Variants in DLEU7 observed in about 807,000 individuals in gnomAD.
DLEU7 encodes deleted in lymphocytic leukemia 7, also known as leukemia-associated protein 7.
In DLEU7, 17 loss-of-function variants were observed where a neutral mutation model predicts 16.0. The observed-to-expected ratio is 1.06, with a 90% CI of 0.73 to 1.59. The LOEUF (loss-of-function observed/expected upper bound fraction) is 1.59. DLEU7 is among the 40% of genes most tolerant of loss of function. The pLI is 0.00. For missense variants in DLEU7, 308 were observed against 314.9 expected (o/e 0.98, Z 0.17); for synonymous variants, 113 against 139.8 (o/e 0.81, Z 1.35).
intron 1 of DLEU7, among the ~76,000 whole-genome samples, chr13:50,825,781 A>G (rs1452001189): frequency 6.6e-6 from 1 of 152,212 alleles, no homozygotes; most frequent in African/African-American, 2.4e-5. Context: ...CTAGTTTTAC[A>G]ATGATATTTA....
chr13:50,797,449 C>T (rs1250683918), intron 1 of DLEU7, among the ~76,000 whole-genome samples: 1 of 152,102 alleles, frequency 6.6e-6, no homozygotes, highest in African/African-American at 2.4e-5. Flanking sequence ...CCAAGCAGCA[C>T]GTACAAGAAG....
At chr13:50,802,148 G>T (rs973525325) in intron 1 of DLEU7, among the ~76,000 whole-genome samples, 2 of 115,640 alleles carry the variant, frequency 1.7e-5, no homozygotes, top group Non-Finnish European at 3.4e-5. Flanking sequence ...AAAAAAAAAA[G>T]GCACAAGCCC....
chr13:50,827,453 C>T (rs1448575630), intron 1 of DLEU7, among the ~76,000 whole-genome samples: 1 of 151,620 alleles, frequency 6.6e-6, no homozygotes, highest in African/African-American at 2.4e-5. Flanking sequence ...CTAAGGCAAG[C>T]AGATTGCTTG....
intron 1 of DLEU7, among the ~76,000 whole-genome samples, chr13:50,783,786 C>G (rs545863859): frequency 5.3e-5 from 8 of 151,692 alleles, no homozygotes; most frequent in African/African-American, 2.0e-4. Context: ...GAAATTTACT[C>G]CAGCAACAGA....
intron 1 of DLEU7, chr13:50,713,388 C>G: frequency 1.0e-6 from 1 of 1,000,420 alleles, no homozygotes; most frequent in South Asian, 1.6e-5. Flanking sequence ...TCTTGGCTAC[C>G]CATTATAGAT....
chr13:50,792,863 CTTTT>C (rs34476833), intron 1 of DLEU7, among the ~76,000 whole-genome samples: 6 of 145,414 alleles, frequency 4.1e-5, no homozygotes, highest in Non-Finnish European at 9.1e-5. Context: ...CTTTGCTCCT[CTTTT>C]TTTTTTTTTC....
intron 1 of DLEU7, among the ~76,000 whole-genome samples, chr13:50,837,806 CTG>C (rs1470053866): frequency 3.3e-5 from 5 of 152,072 alleles, no homozygotes; most frequent in Non-Finnish European, 7.4e-5. Flanking sequence ...TTCGTACTGA[CTG>C]TTATTTTTGT....
downstream of DLEU7, among the ~76,000 whole-genome samples, chr13:50,818,284 A>G (rs1384606237): frequency 6.6e-6 from 1 of 152,152 alleles, no homozygotes; most frequent in Non-Finnish European, 1.5e-5. Context: ...GGCCACTCAG[A>G]ATGGCCCAGG....
downstream of DLEU7, among the ~76,000 whole-genome samples, chr13:50,821,236 CA>C (rs917000846): frequency 2.7e-5 from 4 of 146,100 alleles, no homozygotes; most frequent in African/African-American, 1.0e-4. Flanking sequence ...AGCATTCAAC[CA>C]AAGGGAAAAA....
At chr13:50,773,039 T>A (rs1009669928) in intron 1 of DLEU7, among the ~76,000 whole-genome samples, 25 of 152,294 alleles carry the variant, frequency 1.6e-4, no homozygotes, top group Non-Finnish European at 3.1e-4. Flanking sequence ...CTGATACCCT[T>A]TCTTCCACTT....
Position 50,843,230 on chromosome 13 carries a change from C to T in DLEU7, c.417G>A (p.Leu139=). Residue 139 remains leucine (L), a synonymous_variant, in exon 1 of 2, where the codon CTG becomes CTA. Transcript: ENST00000504404. The surrounding 1 kb of genome is among the most constrained non-coding windows in gnomAD (Gnocchi z 5.7). ...SELVSVEQTL[L]GPLQQERSFP... Reference sequence around the variant, plus strand: ...AGGACCGCTCCTGCTGGAGGGGCCCCAGCAGCGTCTGCTCCACGCTGACCA... The same window carrying T: ...AGGACCGCTCCTGCTGGAGGGGCCCTAGCAGCGTCTGCTCCACGCTGACCA... 1.3e-6 allele frequency: 2 copies of T among 1,593,724 alleles called. No individual in the cohort carries two copies. The highest frequency in any genetic ancestry group is 1.7e-6 in the Non-Finnish European group (2 of 1,170,818).
intron 1 of DLEU7, among the ~76,000 whole-genome samples, chr13:50,766,056 G>A (rs374230383): frequency 1.9e-4 from 29 of 152,272 alleles, no homozygotes; most frequent in East Asian, 9.6e-4. Context: ...AAAAGGATGC[G>A]TGTAGCTTTG....
chr13:50,823,101 T>G lies in DLEU7; in HGVS notation c.*213A>C. On this transcript the variant is annotated 3_prime_UTR_variant, in exon 2 of 2. Coordinates refer to ENST00000504404, the MANE Select transcript of DLEU7 (RefSeq NM_001306135.2). Reference sequence around the variant, plus strand: ...AAAGTCAGCAAATAGGTCAATATACTTAAAAATATGAACTACTGCTTTAAA... The same window carrying G: ...AAAGTCAGCAAATAGGTCAATATACGTAAAAATATGAACTACTGCTTTAAA... 7.4e-7 allele frequency: 1 copy of G among 1,355,538 alleles called. No homozygotes were observed. Among genetic ancestry groups the G allele is most frequent in the Non-Finnish European group, 9.5e-7 (1 of 1,053,536 alleles). 84.0% of individuals were successfully genotyped at this position (1,355,538 alleles called of 1,614,324 possible).
intron 1 of DLEU7, among the ~76,000 whole-genome samples, chr13:50,716,975 G>A (rs547818758): frequency 1.1e-3 from 174 of 152,144 alleles, no homozygotes; most frequent in Middle Eastern, 3.4e-3. Flanking sequence ...TACACATGAC[G>A]CATTTAATTT....
chr13:50,729,573 G>A (rs1873862207), intron 1 of DLEU7, among the ~76,000 whole-genome samples: 1 of 152,118 alleles, frequency 6.6e-6, no homozygotes, highest in Non-Finnish European at 1.5e-5. Context: ...GGATCAAATG[G>A]TACTTCTGTT....
chr13:50,712,644 A>C (rs781486981), exon 2 of DLEU7: 1 of 152,784 alleles, frequency 6.5e-6, no homozygotes, highest in Non-Finnish European at 1.5e-5. Context: ...CTGGCTTTGC[A>C]CTGAAGAACT....
At chr13:50,774,416 A>G (rs1407497954) in intron 1 of DLEU7, among the ~76,000 whole-genome samples, 2 of 152,194 alleles carry the variant, frequency 1.3e-5, no homozygotes, top group Non-Finnish European at 2.9e-5. Flanking sequence ...TCCTCCATTC[A>G]TGATTTTAAA....
intron 1 of DLEU7, among the ~76,000 whole-genome samples, chr13:50,734,216 T>A (rs1873999785): frequency 6.6e-6 from 1 of 152,182 alleles, no homozygotes; most frequent in Admixed American, 6.5e-5. Flanking sequence ...GAACCAAAAG[T>A]GTATTCAAAT....
chr13:50,711,597 G>A (rs139922409), downstream of DLEU7: 1 of 152,320 alleles, frequency 6.6e-6, no homozygotes, highest in African/African-American at 2.4e-5. Flanking sequence ...TTCTTGGCCT[G>A]GAGCCTTATC....
Sources: gnomAD v4.1 joint callset for allele counts (sites outside exome capture counted in the v4.1 genomes callset) on GRCh38, gnomAD v4.1.1 for gene constraint, Gnocchi (gnomAD v3.1) non-coding constraint, MANE v1.5 for transcripts, NCBI Gene and HGNC (gene_info 2026-07-23, HGNC 2026-07-21) for gene names.